Variants in AGBL4 observed in about 807,000 individuals in gnomAD.
The protein encoded by AGBL4 is AGBL carboxypeptidase 4.
A neutral mutation model predicts 66.4 loss-of-function variants in AGBL4; 58 were observed. That is an observed-to-expected ratio of 0.87 (90% CI 0.71 to 1.09). The LOEUF is 1.09. Ranked by LOEUF, AGBL4 falls within the 50% of genes least tolerant of loss-of-function variation. The probability of loss-of-function intolerance (pLI) is 0.00; values close to 1 mark genes in which losing one functional copy is unlikely to be tolerated. For missense variants in AGBL4, 579 were observed against 631.0 expected, an observed-to-expected ratio of 0.92 and a Z score of 0.88; for synonymous variants, 234 against 222.9, an observed-to-expected ratio of 1.05 and a Z score of -0.44.
At chr1:48,789,380 C>G (rs1462909063) in intron 6 of AGBL4, among the ~76,000 whole-genome samples, 7 of 151,990 alleles carry the variant, frequency 4.6e-5, no homozygotes, top group Admixed American at 1.3e-4. Flanking sequence ...GCTCCGCCTC[C>G]TGGGTTCATG....
intron 3 of AGBL4, among the ~76,000 whole-genome samples, chr1:49,338,104 C>A (rs1645472655): frequency 6.6e-6 from 1 of 152,206 alleles, no homozygotes; most frequent in Admixed American, 6.5e-5. Context: ...CCTAAAGCAT[C>A]TATCTTACTG....
In AGBL4 at chr1:48,634,488, C is replaced by T; in HGVS notation, c.951+5G>A. On this transcript the variant is annotated splice_donor_5th_base_variant and intron_variant, in intron 9 of 13. Coordinates refer to ENST00000371839, the MANE Select transcript of AGBL4 (RefSeq NM_032785.4). ...AGCAGCTGTGGAGGGCATTCAGTTA[C>T]TTACTGGGTCGTTGTACATCTGGAC... 6.3e-7 allele frequency: 1 copy of T among 1,587,586 alleles called. No individual in the cohort carries two copies. The highest frequency in any genetic ancestry group is 8.6e-7 in the Non-Finnish European group (1 of 1,165,376).
In AGBL4 at chr1:49,326,662, TAG is replaced by T. The variant is rs370823010; in HGVS notation, c.283-80800_283-80799del. Among the ~76,000 whole-genome samples the T allele has an allele frequency of 1.1e-3, 164 of 152,098 alleles. 1 individual carries two copies. Among genetic ancestry groups the T allele is most frequent in the African/African-American group, 3.8e-3 (158 of 41,488 alleles). On this transcript the variant is annotated intron_variant, in intron 3 of 13. Coordinates refer to ENST00000371839, the MANE Select transcript of AGBL4 (RefSeq NM_032785.4). Reference sequence around the variant, plus strand: ...ATATGGTATCTTGAAAAGAAGGGAATAGAGTCATGAAGAAGGAAATCATCAAC... The same window carrying T: ...ATATGGTATCTTGAAAAGAAGGGAATAGTCATGAAGAAGGAAATCATCAAC...
intron 3 of AGBL4, among the ~76,000 whole-genome samples, chr1:49,340,926 T>G (rs1220279822): frequency 3.3e-5 from 5 of 152,204 alleles, no homozygotes; most frequent in Admixed American, 6.5e-5. Context: ...GATAGTAATA[T>G]AGATTCCTGT....
chr1:49,271,851 A>G (rs1644068039), intron 3 of AGBL4, among the ~76,000 whole-genome samples: 1 of 152,174 alleles, frequency 6.6e-6, no homozygotes, highest in African/African-American at 2.4e-5. Context: ...TTCAAGAGTC[A>G]TGGAAAGGAT....
At chr1:49,841,578 T>G (rs1430147706) in intron 2 of AGBL4, among the ~76,000 whole-genome samples, 2 of 152,018 alleles carry the variant, frequency 1.3e-5, no homozygotes, top group Non-Finnish European at 2.9e-5. Flanking sequence ...AATCATACTA[T>G]CTAACTTCAA....
At chr1:49,203,987 C>T (rs563307647) in intron 4 of AGBL4, among the ~76,000 whole-genome samples, 12 of 152,178 alleles carry the variant, frequency 7.9e-5, no homozygotes, top group Admixed American at 1.3e-4. Context: ...TCAGCACTGA[C>T]GCCACAACCA....
intron 11 of AGBL4, among the ~76,000 whole-genome samples, chr1:48,573,138 T>A (rs1467989393): frequency 2.0e-5 from 3 of 152,222 alleles, no homozygotes; most frequent in Non-Finnish European, 4.4e-5. Context: ...TAGAGCAACA[T>A]GCTTCCAACT....
chr1:49,951,563 ACTTACATAATC>A (rs370934628), intron 1 of AGBL4, among the ~76,000 whole-genome samples: 1 of 151,940 alleles, frequency 6.6e-6, no homozygotes, highest in African/African-American at 2.4e-5. Context: ...ATTAAAAACA[ACTTACATAATC>A]CTCCTCATTT....
intron 3 of AGBL4, among the ~76,000 whole-genome samples, chr1:49,293,283 C>T (rs953558019): frequency 1.3e-5 from 2 of 152,198 alleles, no homozygotes; most frequent in African/African-American, 2.4e-5. Context: ...TGCCACTCCA[C>T]GCCTGGCTTG....
chr1:48,985,364 C>A (rs564091404), intron 5 of AGBL4, among the ~76,000 whole-genome samples: 3 of 152,180 alleles, frequency 2.0e-5, no homozygotes, highest in South Asian at 2.1e-4. Context: ...AATTAAAGAG[C>A]TTTGCCAAGG....
intron 3 of AGBL4, among the ~76,000 whole-genome samples, chr1:49,333,409 C>T (rs907421054): frequency 1.3e-5 from 2 of 152,064 alleles, no homozygotes; most frequent in Non-Finnish European, 2.9e-5. Flanking sequence ...ACAAGGGAGT[C>T]GGAGGTTGTA....
chr1:49,163,178 A>T (rs147006558), intron 4 of AGBL4, among the ~76,000 whole-genome samples: 2 of 152,230 alleles, frequency 1.3e-5, no homozygotes, highest in Non-Finnish European at 2.9e-5. Context: ...TAGAACAAGT[A>T]CTCTTTCACA....
chr1:49,293,052 G>C (rs1644573349), intron 3 of AGBL4, among the ~76,000 whole-genome samples: 1 of 152,232 alleles, frequency 6.6e-6, no homozygotes, highest in African/African-American at 2.4e-5. Flanking sequence ...AGCCACGGCT[G>C]TGACTCCCTC....
chr1:48,741,590 A>G (rs970722639), intron 6 of AGBL4, among the ~76,000 whole-genome samples: 1 of 152,210 alleles, frequency 6.6e-6, no homozygotes, highest in Non-Finnish European at 1.5e-5. Flanking sequence ...AGTCCTGAAA[A>G]CTAATACGTT....
At chr1:48,606,607 C>T (rs1252313334) in intron 9 of AGBL4, among the ~76,000 whole-genome samples, 1 of 152,140 alleles carries the variant, frequency 6.6e-6, no homozygotes, top group Non-Finnish European at 1.5e-5. Flanking sequence ...CAAAGGGATG[C>T]ACTACATGAT....
intron 3 of AGBL4, among the ~76,000 whole-genome samples, chr1:49,506,931 TACCTCCC>T (rs1648743082): frequency 6.6e-6 from 1 of 151,976 alleles, no homozygotes; most frequent in African/African-American, 2.4e-5. Flanking sequence ...CAATGAACCA[TACCTCCC>T]CATATTCACA....
chr1:49,941,519 G>A (rs1654757239), intron 1 of AGBL4, among the ~76,000 whole-genome samples: 1 of 151,910 alleles, frequency 6.6e-6, no homozygotes, highest in Non-Finnish European at 1.5e-5. Context: ...CACATTAAAA[G>A]TATCATACAC....
At chr1:49,409,196 T>C (rs1249070947) in intron 3 of AGBL4, among the ~76,000 whole-genome samples, 1 of 149,336 alleles carries the variant, frequency 6.7e-6, no homozygotes, top group East Asian at 2.0e-4. Context: ...GCTGGCAAAC[T>C]AATGAAATTG....
Sources: allele counts gnomAD v4.1 joint callset (sites outside exome capture counted in the v4.1 genomes callset), GRCh38; gene constraint gnomAD v4.1.1; transcripts MANE v1.5; gene names NCBI Gene and HGNC (gene_info 2026-07-23, HGNC 2026-07-21).